Variants in NKD1 observed in about 807,000 individuals in gnomAD.
NKD1 encodes the protein NKD inhibitor of Wnt signaling pathway 1, also known as protein naked cuticle homolog 1.
In NKD1, 21 loss-of-function variants were observed where a neutral mutation model predicts 56.0. That is an observed-to-expected ratio of 0.38 (90% CI 0.27 to 0.54). The LOEUF is 0.54. NKD1 is among the 20% of genes least tolerant of loss of function. NKD1 has a pLI of 0.82. For missense variants in NKD1, 578 were observed against 642.7 expected (o/e 0.90, Z 1.09); for synonymous variants, 263 against 265.7 (o/e 0.99, Z 0.10).
chr16:50,625,699 C>G lies in NKD1; in HGVS notation c.462+119C>G, dbSNP rs1000218753. The G allele has an allele frequency of 7.3e-6, 5 of 682,854 alleles. No homozygotes were observed. In the East Asian group the frequency reaches 1.1e-4, roughly 15 times the overall value. The allele number at this position is 682,854 out of a possible 1,614,324, so 42.3% of individuals were successfully genotyped here. ...ATCGGTCCTGCCCCTCAGGGAAGGC[C>G]GTAACAGCCAGGGAGTTGCTGGGAG... On this transcript the variant is annotated intron_variant, in intron 6 of 9. Coordinates refer to ENST00000268459, the MANE Select transcript of NKD1 (RefSeq NM_033119.5).
chr16:50,563,529 C>T (rs1960691150), intron 3 of NKD1, among the ~76,000 whole-genome samples: 1 of 149,730 alleles, frequency 6.7e-6, no homozygotes, highest in African/African-American at 2.5e-5. Context: ...ACTCCATCCT[C>T]AATGGGCACA....
At chr16:50,627,148 GA>G (rs200834626) in intron 6 of NKD1, among the ~76,000 whole-genome samples, 12 of 147,886 alleles carry the variant, frequency 8.1e-5, no homozygotes, top group Admixed American at 2.0e-4. Context: ...TGCTGTATTC[GA>G]AAAAAAAAAG....
chr16:50,571,711 C>G (rs71384571), intron 3 of NKD1, among the ~76,000 whole-genome samples: 1 of 152,152 alleles, frequency 6.6e-6, no homozygotes, highest in Non-Finnish European at 1.5e-5. Context: ...GGTCCCCATC[C>G]TCTTCTAAGC....
Position 50,643,930 on chromosome 16 carries a change from G to A in NKD1, c.*10149G>A, listed in dbSNP as rs1170933615. On this transcript the variant is annotated 3_prime_UTR_variant, in exon 10 of 10. Coordinates refer to ENST00000268459, the MANE Select transcript of NKD1 (RefSeq NM_033119.5). ...AAGATGGCACTTCAGCGTCATGCCT[G>A]GGGAGCATTTTAAGCAGCCAAATCA... 7 of 152,252 alleles carry A rather than the reference G, an allele frequency of 4.6e-5. No homozygotes were observed. The highest frequency in any genetic ancestry group is 7.2e-5 in the African/African-American group (3 of 41,456). The allele number at this position is 152,252 out of a possible 1,614,324, so 9.4% of individuals were successfully genotyped here. A position where few individuals can be genotyped will look rare whatever the true frequency, so the allele number is the denominator to read the frequency against.
chr16:50,561,317 A>T (rs190523145), intron 3 of NKD1, among the ~76,000 whole-genome samples: 2 of 151,894 alleles, frequency 1.3e-5, no homozygotes, highest in East Asian at 3.9e-4. Context: ...GGTATCTATT[A>T]TGACCTCTCC....
At chr16:50,631,010 T>G (rs1217796050) in intron 8 of NKD1, 100 bp downstream of exon 8, 8 of 835,760 alleles carry the variant, frequency 9.6e-6, no homozygotes, top group Middle Eastern at 2.3e-4. Context: ...CTGTGTTCTC[T>G]TCAGGGAGCC....
Position 50,548,561 on chromosome 16 carries a change from A to G in NKD1, c.8A>G (p.Lys3Arg). 1.4e-6 allele frequency: 2 copies of G among 1,467,888 alleles called. No homozygotes were observed. Among genetic ancestry groups the G allele is most frequent in the Non-Finnish European group, 1.8e-6 (2 of 1,115,490 alleles). The allele number at this position is 1,467,888 out of a possible 1,614,324, so 90.9% of individuals were successfully genotyped here. Residue 3 changes from lysine to arginine, a missense_variant, in exon 1 of 10, where the codon AAA (lysine) becomes AGA (arginine). Physicochemically the swap from Lys to Arg is conservative, Grantham distance 26. Transcript: ENST00000268459. Reference protein sequence around the residue: MGKLHSKPAAVCK... With the variant: MGRLHSKPAAVCK... ...GGCCGCCGCAGCCCCAGCATGGGGA[A>G]ACTTCACTCCAAGCCGGGTCAGTGC...
chr16:50,586,297 T>C (rs917775123), intron 3 of NKD1, among the ~76,000 whole-genome samples: 1 of 149,900 alleles, frequency 6.7e-6, no homozygotes, highest in Non-Finnish European at 1.5e-5. Flanking sequence ...GGCCCACTGG[T>C]GAGTGGATGG....
intron 3 of NKD1, chr16:50,571,050 T>A (rs1413853551): frequency 1.0e-6 from 1 of 960,516 alleles, no homozygotes; most frequent in African/African-American, 1.8e-5. Flanking sequence ...GTGCTGGACA[T>A]CTCCTCCCTG....
intron 3 of NKD1, among the ~76,000 whole-genome samples, chr16:50,602,562 A>T (rs1352966012): frequency 6.6e-6 from 1 of 152,188 alleles, no homozygotes; most frequent in Non-Finnish European, 1.5e-5. Context: ...ACATGAGAAC[A>T]CTTCTGATAA....
intron 6 of NKD1, among the ~76,000 whole-genome samples, chr16:50,628,602 G>A (rs147109997): frequency 1.1e-4 from 16 of 152,294 alleles, no homozygotes; most frequent in Non-Finnish European, 1.3e-4. Context: ...GAGGAGAATC[G>A]GTGCCCTCCA....
At chr16:50,620,852 A>G (rs944798995) in intron 4 of NKD1, among the ~76,000 whole-genome samples, 17 of 152,268 alleles carry the variant, frequency 1.1e-4, no homozygotes, top group East Asian at 7.7e-4. Flanking sequence ...CAGGCCACAC[A>G]CAGGACCGTG....
rs564303314 is a variant in NKD1, at chr16:50,548,944, C to G, written c.58+195C>G. ...TCCCTCCTACCCGCTCCCCGCGGTC[C>G]TGCGCTCCCACCGCTGACCCTCAAC... On this transcript the variant is annotated intron_variant, in intron 2 of 9. Transcript: ENST00000268459. 12 of 961,454 alleles carry G rather than the reference C, an allele frequency of 1.2e-5. No individual in the cohort carries two copies. The African/African-American group carries it at 2.0e-4, about 16-fold the overall frequency. 59.6% of individuals were successfully genotyped at this position (961,454 alleles called of 1,614,324 possible).
At chr16:50,589,761 TCTC>T (rs1961318738) in intron 3 of NKD1, among the ~76,000 whole-genome samples, 3 of 47,828 alleles carry the variant, frequency 6.3e-5, no homozygotes, top group Non-Finnish European at 1.3e-4. Context: ...TCTCTTCTCT[TCTC>T]TCCTCTCCTC....
chr16:50,589,923 C>T (rs564924357), intron 3 of NKD1, among the ~76,000 whole-genome samples: 12 of 151,994 alleles, frequency 7.9e-5, no homozygotes, highest in South Asian at 6.2e-4. Flanking sequence ...TCCCAGCTGA[C>T]GGCAGCCTCC....
chr16:50,604,853 G>A (rs2151274655), intron 3 of NKD1, among the ~76,000 whole-genome samples: 1 of 152,382 alleles, frequency 6.6e-6, no homozygotes, highest in Admixed American at 6.5e-5. Context: ...CAGCTTGAGG[G>A]CAGGGCCAAG....
At chr16:50,613,978 CT>C (rs1272022677) in intron 4 of NKD1, among the ~76,000 whole-genome samples, 3 of 152,172 alleles carry the variant, frequency 2.0e-5, no homozygotes, top group Non-Finnish European at 4.4e-5. Context: ...GCTTTTCCCC[CT>C]TTTTTGTTTC....
At chr16:50,590,557 C>A (rs752345508) in intron 3 of NKD1, among the ~76,000 whole-genome samples, 16 of 152,300 alleles carry the variant, frequency 1.1e-4, no homozygotes, top group Non-Finnish European at 2.2e-4. Flanking sequence ...GTTTTCCAAG[C>A]GCTTTACAAA....
At chr16:50,605,448 T>C (rs931480760) in intron 3 of NKD1, among the ~76,000 whole-genome samples, 13 of 152,234 alleles carry the variant, frequency 8.5e-5, no homozygotes, top group Non-Finnish European at 1.5e-4. Context: ...AGGGGGCTAA[T>C]AAATACACGC....
Sources: gnomAD v4.1 joint callset for allele counts (sites outside exome capture counted in the v4.1 genomes callset) on GRCh38, gnomAD v4.1.1 for gene constraint, MANE v1.5 for transcripts, NCBI Gene and HGNC (gene_info 2026-07-23, HGNC 2026-07-21) for gene names.